Variants in SLIT3 observed in about 807,000 individuals in gnomAD.
SLIT3 encodes slit homolog 3 protein.
SLIT3 carries 68 observed loss-of-function variants against 184.0 expected under a neutral mutation model. The observed-to-expected ratio is 0.37, with a 90% CI of 0.30 to 0.45. The LOEUF is 0.45. Among genes scored for constraint, SLIT3 ranks in the 20% least tolerant of loss-of-function variants. The pLI is 1.00. For synonymous variants in SLIT3, 831 were observed against 828.6 expected, an observed-to-expected ratio of 1.00 and a Z score of -0.05; for missense variants, 1,707 against 2,026.0, an observed-to-expected ratio of 0.84 and a Z score of 3.02.
At chr5:169,139,131 T>A (rs1761631735) in intron 4 of SLIT3, among the ~76,000 whole-genome samples, 1 of 152,200 alleles carries the variant, frequency 6.6e-6, no homozygotes, top group Admixed American at 6.5e-5. Flanking sequence ...TACTGCCCAG[T>A]GCCATGAGCA....
intron 15 of SLIT3, among the ~76,000 whole-genome samples, chr5:168,762,060 C>T (rs566907069): frequency 3.3e-5 from 5 of 151,790 alleles, no homozygotes; most frequent in African/African-American, 9.7e-5. Flanking sequence ...CATGACCCAC[C>T]AACCATGGCC....
chr5:168,917,377 G>A (rs1416156780), intron 4 of SLIT3, among the ~76,000 whole-genome samples: 1 of 152,160 alleles, frequency 6.6e-6, no homozygotes, highest in Non-Finnish European at 1.5e-5. Flanking sequence ...GCCCCAGCTT[G>A]TGTTCTTGCC....
chr5:168,855,808 C>T (rs2974424), intron 5 of SLIT3, among the ~76,000 whole-genome samples: 52,440 of 151,954 alleles, frequency 0.35, 10,774 homozygotes, highest in African/African-American at 0.59. Context: ...AAAAGTTTAC[C>T]GTCCCCACTC....
intron 3 of SLIT3, among the ~76,000 whole-genome samples, chr5:169,195,510 C>A (rs1031934803): frequency 6.6e-6 from 1 of 152,158 alleles, no homozygotes; most frequent in Non-Finnish European, 1.5e-5. Context: ...AATTCCCTGG[C>A]CACCACTGGG....
intron 4 of SLIT3, among the ~76,000 whole-genome samples, chr5:169,139,411 C>A (rs1035753841): frequency 1.3e-5 from 2 of 152,160 alleles, no homozygotes; most frequent in African/African-American, 2.4e-5. Context: ...TTATCTAATC[C>A]TTACAGCTCT....
intron 5 of SLIT3, among the ~76,000 whole-genome samples, chr5:168,862,815 C>T (rs374083493): frequency 6.6e-6 from 1 of 152,124 alleles, no homozygotes; most frequent in African/African-American, 2.4e-5. Flanking sequence ...GCTGGGACTA[C>T]AGGCACCCAC....
At chr5:169,187,110 G>T (rs1163632332) in intron 4 of SLIT3, among the ~76,000 whole-genome samples, 1 of 63,610 alleles carries the variant, frequency 1.6e-5, no homozygotes, top group East Asian at 3.6e-4. Flanking sequence ...TGCAGCTATA[G>T]GTTTTTTTTT....
intron 6 of SLIT3, among the ~76,000 whole-genome samples, chr5:168,828,488 T>C (rs1303696668): frequency 1.3e-5 from 2 of 151,034 alleles, no homozygotes; most frequent in African/African-American, 4.9e-5. Flanking sequence ...AAAAATAAAA[T>C]AAATACATTA....
In SLIT3 at chr5:168,857,294, A is replaced by G. The variant is rs114358526; in HGVS notation, c.486-12639T>C. ...GTGCATTGTTCACACTTAAGAACTG[A>G]GGATGACAGCCACTGTTCTGGGTAG... On this transcript the variant is annotated intron_variant, in intron 5 of 35. Coordinates refer to ENST00000519560, the MANE Select transcript of SLIT3 (RefSeq NM_003062.4). Among the ~76,000 whole-genome samples, 1,383 of 152,326 alleles carry G rather than the reference A, an allele frequency of 9.1e-3. 21 individuals are homozygous for G. The highest frequency in any genetic ancestry group is 0.032 in the African/African-American group (1,330 of 41,566).
chr5:169,069,736 G>A (rs1003759624), intron 4 of SLIT3, among the ~76,000 whole-genome samples: 1 of 152,076 alleles, frequency 6.6e-6, no homozygotes, highest in Non-Finnish European at 1.5e-5. Context: ...AGGGAGAGAG[G>A]GGAGGTAGGG....
intron 4 of SLIT3, among the ~76,000 whole-genome samples, chr5:168,910,780 T>C (rs907652089): frequency 1.3e-5 from 2 of 151,246 alleles, no homozygotes; most frequent in African/African-American, 4.9e-5. Context: ...GAAAAAAACA[T>C]CACAATTGCA....
At chr5:169,274,482 G>A (rs1766735617) in intron 1 of SLIT3, among the ~76,000 whole-genome samples, 1 of 152,166 alleles carries the variant, frequency 6.6e-6, no homozygotes, top group Admixed American at 6.5e-5. Flanking sequence ...TACAGTGCCT[G>A]GGGCCTAGTC....
intron 11 of SLIT3, among the ~76,000 whole-genome samples, chr5:168,787,406 T>C (rs1037361552): frequency 3.9e-5 from 6 of 152,198 alleles, no homozygotes; most frequent in Non-Finnish European, 8.8e-5. Context: ...CTCCTGCCTG[T>C]GTGGTCTCCT....
intron 23 of SLIT3, among the ~76,000 whole-genome samples, 157 bp downstream of exon 23, chr5:168,722,099 C>T (rs1762960801): frequency 6.6e-6 from 1 of 152,140 alleles, no homozygotes; most frequent in South Asian, 2.1e-4. Context: ...AAAGGTAGCT[C>T]TCTCTACTCC....
chr5:169,158,207 T>C (rs1250336132), intron 4 of SLIT3, among the ~76,000 whole-genome samples: 1 of 152,154 alleles, frequency 6.6e-6, no homozygotes, highest in Non-Finnish European at 1.5e-5. Context: ...AACAAAATCT[T>C]GAAACCAGCA....
chr5:169,186,703 G>A (rs1361978630), intron 4 of SLIT3, among the ~76,000 whole-genome samples: 1 of 152,200 alleles, frequency 6.6e-6, no homozygotes, highest in Non-Finnish European at 1.5e-5. Context: ...CTTGGAGCAT[G>A]TATACGCGAC....
At chr5:168,684,739 G>A (rs998367016) in intron 31 of SLIT3, among the ~76,000 whole-genome samples, 1 of 152,018 alleles carries the variant, frequency 6.6e-6, no homozygotes, top group Non-Finnish European at 1.5e-5. Flanking sequence ...CAAAGCGCTG[G>A]GCTTACAGGC....
At chr5:169,045,428 G>GAAAAAAAAAAAAA (rs5873145) in intron 4 of SLIT3, among the ~76,000 whole-genome samples, 1 of 123,806 alleles carries the variant, frequency 8.1e-6, no homozygotes. Context: ...GTCCATGCAG[G>GAAAAAAAAAAAAA]AAAAAAAAAA....
At chr5:169,251,775 T>C (rs1284371230) in intron 1 of SLIT3, among the ~76,000 whole-genome samples, 1 of 152,214 alleles carries the variant, frequency 6.6e-6, no homozygotes, top group Non-Finnish European at 1.5e-5. Context: ...CTGACCCCTC[T>C]TTCCAGCTCT....
Sources: gnomAD v4.1 joint callset for allele counts (sites outside exome capture counted in the v4.1 genomes callset) on GRCh38, gnomAD v4.1.1 for gene constraint, MANE v1.5 for transcripts, NCBI Gene and HGNC (gene_info 2026-07-23, HGNC 2026-07-21) for gene names.